Variants in LPP observed in about 807,000 individuals in gnomAD.
LPP encodes the protein LIM domain containing preferred translocation partner in lipoma.
A neutral mutation model predicts 60.4 loss-of-function variants in LPP; 38 were observed. That is an observed-to-expected ratio of 0.63 (90% CI 0.49 to 0.83). The LOEUF (loss-of-function observed/expected upper bound fraction) is 0.83, where lower values mean the gene tolerates loss of function less well. Among genes scored for constraint, LPP ranks in the 40% least tolerant of loss-of-function variants. LPP has a pLI of 0.00. For missense variants in LPP, 902 were observed against 783.6 expected, an observed-to-expected ratio of 1.15 and a Z score of -1.80; for synonymous variants, 328 against 290.8, an observed-to-expected ratio of 1.13 and a Z score of -1.30.
At chr3:188,626,420 G>T (rs182496616) in intron 7 of LPP, among the ~76,000 whole-genome samples, 1 of 152,216 alleles carries the variant, frequency 6.6e-6, no homozygotes, top group East Asian at 1.9e-4. Flanking sequence ...CATAGAGTTT[G>T]GCATCTGCAT....
At chr3:188,530,480 A>G (rs896736495) in intron 6 of LPP, among the ~76,000 whole-genome samples, 5 of 152,220 alleles carry the variant, frequency 3.3e-5, no homozygotes, top group Non-Finnish European at 7.3e-5. Context: ...ATAGAATATC[A>G]GAGCTTTAGT....
chr3:188,328,495 G>T (rs1292416240), intron 2 of LPP, among the ~76,000 whole-genome samples: 3 of 152,138 alleles, frequency 2.0e-5, no homozygotes, highest in Non-Finnish European at 4.4e-5. Context: ...TTGAAAACAT[G>T]AATTTTATTT....
At chr3:188,281,601 C>CA (rs1167297915) in intron 2 of LPP, among the ~76,000 whole-genome samples, 958 of 66,458 alleles carry the variant, frequency 0.014, 65 homozygotes, top group Admixed American at 0.081. Flanking sequence ...AAGACTCTAC[C>CA]AAAAAAAAAA....
At chr3:188,819,299 C>T (rs376052122) in intron 9 of LPP, among the ~76,000 whole-genome samples, 2 of 152,108 alleles carry the variant, frequency 1.3e-5, no homozygotes, top group African/African-American at 4.8e-5. Flanking sequence ...TCAGCCCTTT[C>T]TCCCCCTCCT....
intron 9 of LPP, among the ~76,000 whole-genome samples, chr3:188,765,257 G>A (rs1217394617): frequency 1.3e-5 from 2 of 151,190 alleles, no homozygotes; most frequent in East Asian, 1.9e-4. Flanking sequence ...CCTCCAAGGA[G>A]TGTTTGTCTG....
chr3:188,241,834 T>TA (rs1196807709), intron 2 of LPP, among the ~76,000 whole-genome samples: 1 of 152,024 alleles, frequency 6.6e-6, no homozygotes, highest in African/African-American at 2.4e-5. Flanking sequence ...CTTCAAAGAG[T>TA]AATGGTGGGG....
At chr3:188,523,798 A>C (rs1819680812) in intron 5 of LPP, among the ~76,000 whole-genome samples, 1 of 152,210 alleles carries the variant, frequency 6.6e-6, no homozygotes, top group Non-Finnish European at 1.5e-5. Flanking sequence ...AAGTTTTAAG[A>C]GCTTCTTCCA....
chr3:188,440,925 C>A (rs1222699834), intron 4 of LPP, among the ~76,000 whole-genome samples: 1 of 145,540 alleles, frequency 6.9e-6, no homozygotes, highest in African/African-American at 2.6e-5. Flanking sequence ...AATGAGAAAT[C>A]CAGTGTACTC....
At chr3:188,316,192 C>G (rs746127202) in intron 2 of LPP, among the ~76,000 whole-genome samples, 2 of 152,166 alleles carry the variant, frequency 1.3e-5, no homozygotes, top group Non-Finnish European at 2.9e-5. Flanking sequence ...GTAGGAGAAC[C>G]ATTTGAACTC....
chr3:188,718,251 C>T (rs1447982148), intron 8 of LPP, among the ~76,000 whole-genome samples: 1 of 152,140 alleles, frequency 6.6e-6, no homozygotes, highest in Non-Finnish European at 1.5e-5. Flanking sequence ...TATCCAAAGC[C>T]ATGCAACTAG....
chr3:188,729,223 C>A (rs1275088096), intron 8 of LPP, among the ~76,000 whole-genome samples: 3 of 152,184 alleles, frequency 2.0e-5, no homozygotes, highest in Non-Finnish European at 4.4e-5. Flanking sequence ...TACTTCCTAA[C>A]AGAACTTCTC....
rs535926477 is a variant in LPP at position 188,160,143 on chromosome 3, C to T, written c.-190+5891C>T. 4.7e-3 allele frequency among the ~76,000 whole-genome samples: 718 copies of T among 152,180 alleles called. 5 individuals carry two copies. Among genetic ancestry groups the T allele is most frequent in the African/African-American group, 0.016 (683 of 41,502 alleles). On this transcript the variant is annotated intron_variant, in intron 1 of 11. Transcript: ENST00000617246. ...GGCCAGGCGGTCTTGAACTCCTGAC[C>T]TCGTGATCCACCTGCCTTGGTCTCC... is the stretch of plus-strand genomic sequence containing the variant.
chr3:188,803,111 C>A (rs1014414363), intron 9 of LPP, among the ~76,000 whole-genome samples: 2 of 142,138 alleles, frequency 1.4e-5, no homozygotes, highest in African/African-American at 5.3e-5. Context: ...GTGGCACAAT[C>A]TCAGCTCATT....
intron 6 of LPP, among the ~76,000 whole-genome samples, chr3:188,562,986 T>C (rs1026627110): frequency 2.6e-5 from 4 of 151,952 alleles, no homozygotes; most frequent in African/African-American, 9.7e-5. Flanking sequence ...CCTAGCAGTT[T>C]GTCGAGTGGC....
chr3:188,624,011 C>T (rs565745569), intron 7 of LPP, among the ~76,000 whole-genome samples: 17 of 152,280 alleles, frequency 1.1e-4, no homozygotes, highest in African/African-American at 4.1e-4. Context: ...AAATTTTAGC[C>T]AATAACATTG....
chr3:188,181,477 A>G (rs552138719), intron 1 of LPP, among the ~76,000 whole-genome samples: 2 of 152,262 alleles, frequency 1.3e-5, no homozygotes, highest in South Asian at 4.1e-4. Flanking sequence ...GTTGCCAAAC[A>G]TTTTCTGTAA....
At position 188,888,670 on chromosome 3, in the gene LPP, A is replaced by C. The variant is rs1770945500; in HGVS notation, c.*14191A>C. On this transcript the variant is annotated 3_prime_UTR_variant, in exon 12 of 12. Coordinates refer to ENST00000617246, the MANE Select transcript of LPP (RefSeq NM_001375462.1). ...AACGTTATTCCTTACATATGTATGT[A>C]CACACGGTACCCAGAGTCGTACTGT... is the stretch of plus-strand genomic sequence containing the variant. 4.5e-6 allele frequency: 1 copy of C among 221,232 alleles called. No individual in the cohort carries two copies. The highest frequency in any genetic ancestry group is 2.2e-5 in the African/African-American group (1 of 44,702). 13.7% of individuals were successfully genotyped at this position (221,232 alleles called of 1,614,324 possible). A position where few individuals can be genotyped will look rare whatever the true frequency, so the allele number is the denominator to read the frequency against.
chr3:188,727,943 A>G (rs1577224501), intron 8 of LPP, among the ~76,000 whole-genome samples: 1 of 152,136 alleles, frequency 6.6e-6, no homozygotes, highest in Non-Finnish European at 1.5e-5. Context: ...ACCAGTCTGC[A>G]TTTTACACTG....
intron 2 of LPP, among the ~76,000 whole-genome samples, chr3:188,243,041 T>C (rs1395092617): frequency 1.3e-5 from 2 of 152,156 alleles, no homozygotes; most frequent in Non-Finnish European, 2.9e-5. Flanking sequence ...AACTTTAAAA[T>C]GCCAAAACAA....
Sources: gnomAD v4.1 joint callset for allele counts (sites outside exome capture counted in the v4.1 genomes callset) on GRCh38, gnomAD v4.1.1 for gene constraint, MANE v1.5 for transcripts, NCBI Gene and HGNC (gene_info 2026-07-23, HGNC 2026-07-21) for gene names.